Variants in LAMA2 observed in about 807,000 individuals in gnomAD.
The protein encoded by LAMA2 is laminin subunit alpha 2, also known as laminin subunit alpha-2.
In LAMA2, 269 loss-of-function variants were observed where a neutral mutation model predicts 364.8. That is an observed-to-expected ratio of 0.74 (90% CI 0.67 to 0.82). The LOEUF (loss-of-function observed/expected upper bound fraction) is 0.82, where lower values mean the gene tolerates loss of function less well. LAMA2 is among the 40% of genes least tolerant of loss of function. LAMA2 has a pLI of 0.00. For synonymous variants in LAMA2, 1,379 were observed against 1,370.6 expected (o/e 1.01, Z -0.14); for missense variants, 3,807 against 3,873.2 (o/e 0.98, Z 0.45).
intron 4 of LAMA2, among the ~76,000 whole-genome samples, chr6:129,140,419 T>C (rs957891033): frequency 6.6e-6 from 1 of 152,076 alleles, no homozygotes; most frequent in Non-Finnish European, 1.5e-5. Flanking sequence ...AAAAAACCAG[T>C]TGATAACCAT....
intron 58 of LAMA2, among the ~76,000 whole-genome samples, chr6:129,493,070 G>T (rs964951748): frequency 6.6e-6 from 1 of 152,034 alleles, no homozygotes; most frequent in Non-Finnish European, 1.5e-5. Flanking sequence ...CAGGAGAATC[G>T]CTTGAACCCA....
intron 56 of LAMA2, chr6:129,491,206 G>A (rs1784845073): frequency 6.6e-6 from 1 of 152,266 alleles, no homozygotes. Context: ...AAATGCCTTT[G>A]GTCATTTTCA....
intron 29 of LAMA2, among the ~76,000 whole-genome samples, chr6:129,334,415 A>G (rs543288858): frequency 5.3e-5 from 8 of 152,356 alleles, no homozygotes; most frequent in Admixed American, 3.9e-4. Context: ...GAAATACTCA[A>G]TAAAAGGCTT....
chr6:128,936,294 T>A (rs1248586298), intron 1 of LAMA2, among the ~76,000 whole-genome samples: 1 of 152,246 alleles, frequency 6.6e-6, no homozygotes, highest in African/African-American at 2.4e-5. Context: ...CACTATTCAG[T>A]ATGACATCAG....
At chr6:129,170,794 A>G (rs1421992158) in intron 9 of LAMA2, among the ~76,000 whole-genome samples, 10 of 150,364 alleles carry the variant, frequency 6.7e-5, no homozygotes, top group Non-Finnish European at 1.5e-4. Flanking sequence ...TCCCATTATT[A>G]ATGTGTGGGA....
At chr6:129,290,116 C>T (rs1789590695) in intron 19 of LAMA2, among the ~76,000 whole-genome samples, 2 of 152,130 alleles carry the variant, frequency 1.3e-5, no homozygotes, top group African/African-American at 4.8e-5. Context: ...CTTTATACTG[C>T]TTTGTTGTTT....
At chr6:129,197,626 A>C (rs1781929920) in intron 12 of LAMA2, among the ~76,000 whole-genome samples, 1 of 152,168 alleles carries the variant, frequency 6.6e-6, no homozygotes, top group Non-Finnish European at 1.5e-5. Flanking sequence ...TATTCTCAGG[A>C]CCTCCTAAGG....
intron 40 of LAMA2, among the ~76,000 whole-genome samples, chr6:129,410,900 G>A (rs143758433): frequency 5.3e-5 from 8 of 152,280 alleles, no homozygotes; most frequent in South Asian, 2.1e-4. Flanking sequence ...AGAGAATCAC[G>A]GGAGCTGATG....
At chr6:129,337,500 T>C (rs976501875) in intron 29 of LAMA2, among the ~76,000 whole-genome samples, 4 of 152,104 alleles carry the variant, frequency 2.6e-5, no homozygotes, top group East Asian at 1.9e-4. Context: ...TTAGAATGCA[T>C]CAAATTTTTA....
At chr6:129,362,051 C>T (rs1360732133) in intron 32 of LAMA2, among the ~76,000 whole-genome samples, 4 of 151,972 alleles carry the variant, frequency 2.6e-5, no homozygotes, top group African/African-American at 4.8e-5. Context: ...TCCCATACTG[C>T]TTGGATTACA....
chr6:128,939,016 A>G (rs1780000818), intron 1 of LAMA2, among the ~76,000 whole-genome samples: 1 of 152,096 alleles, frequency 6.6e-6, no homozygotes. Flanking sequence ...GCTTTCTCTT[A>G]TTTGGAACAG....
At chr6:129,361,916 C>A (rs536573359) in intron 32 of LAMA2, among the ~76,000 whole-genome samples, 3 of 150,980 alleles carry the variant, frequency 2.0e-5, no homozygotes, top group Non-Finnish European at 4.4e-5. Flanking sequence ...TCCCGAGTAG[C>A]GGGACTAGAG....
chr6:129,350,254 G>A (rs1323321982), intron 31 of LAMA2, among the ~76,000 whole-genome samples: 1 of 152,184 alleles, frequency 6.6e-6, no homozygotes, highest in Admixed American at 6.5e-5. Flanking sequence ...GTTTTAGAAA[G>A]ATCCATAGAC....
chr6:129,206,375 A>G (rs963799797), intron 12 of LAMA2, among the ~76,000 whole-genome samples: 2 of 152,296 alleles, frequency 1.3e-5, no homozygotes, highest in Admixed American at 6.5e-5. Context: ...AAATTTGTAA[A>G]AGATATTTTA....
At chr6:129,458,015 A>G (rs1270259695) in intron 48 of LAMA2, among the ~76,000 whole-genome samples, 1 of 152,110 alleles carries the variant, frequency 6.6e-6, no homozygotes, top group African/African-American at 2.4e-5. Flanking sequence ...ATTTTAACAT[A>G]AGAATTTTGA....
At chr6:128,985,164 A>G (rs1783140813) in intron 1 of LAMA2, among the ~76,000 whole-genome samples, 1 of 152,126 alleles carries the variant, frequency 6.6e-6, no homozygotes, top group Non-Finnish European at 1.5e-5. Context: ...GGTCTCTCTG[A>G]AGAAAAGTGG....
At chr6:129,246,625 A>C (rs573098776) in intron 12 of LAMA2, among the ~76,000 whole-genome samples, 1 of 152,314 alleles carries the variant, frequency 6.6e-6, no homozygotes, top group Admixed American at 6.5e-5. Flanking sequence ...CAACATATGA[A>C]ATAGCTCATT....
At chr6:128,949,016 A>T (rs563711873) in intron 1 of LAMA2, among the ~76,000 whole-genome samples, 24 of 152,346 alleles carry the variant, frequency 1.6e-4, no homozygotes, top group Admixed American at 1.3e-3. Context: ...TTTCTAGTCC[A>T]TTAGTGCACA....
chr6:129,306,345 G>GT (rs138700232), intron 22 of LAMA2, among the ~76,000 whole-genome samples: 22,932 of 94,636 alleles, frequency 0.24, 3,961 homozygotes, highest in East Asian at 0.55. Context: ...TTCCAGAAAG[G>GT]TGTTTTTTTT....
Sources: allele counts gnomAD v4.1 joint callset (sites outside exome capture counted in the v4.1 genomes callset), GRCh38; gene constraint gnomAD v4.1.1; transcripts MANE v1.5; gene names NCBI Gene and HGNC (gene_info 2026-07-23, HGNC 2026-07-21).